The following ASAP1 variants were observed in gnomAD, a reference collection of about 807,000 sequenced individuals.
The protein encoded by ASAP1 is arf-GAP with SH3 domain, ANK repeat and PH domain-containing protein 1.
Under a neutral mutation model 145.2 loss-of-function variants are expected in ASAP1, and 43 were observed. That is an observed-to-expected ratio of 0.30 (90% confidence interval 0.23 to 0.38). The LOEUF (loss-of-function observed/expected upper bound fraction) is 0.38, where lower values mean the gene tolerates loss of function less well. Among genes scored for constraint, ASAP1 ranks in the 10% least tolerant of loss-of-function variants. ASAP1 has a pLI of 1.00. For missense variants in ASAP1, 1,018 were observed against 1,355.3 expected (o/e 0.75, Z 3.91); for synonymous variants, 546 against 515.5 (o/e 1.06, Z -0.80).
intron 3 of ASAP1, among the ~76,000 whole-genome samples, chr8:130,310,436 G>A (rs1364403826): frequency 6.6e-6 from 1 of 152,036 alleles, no homozygotes; most frequent in Admixed American, 6.5e-5. Context: ...GCAAATACTC[G>A]GAAAGATAGG....
chr8:130,226,294 T>C (rs1228658686), intron 4 of ASAP1, among the ~76,000 whole-genome samples: 1 of 152,172 alleles, frequency 6.6e-6, no homozygotes, highest in African/African-American at 2.4e-5. Flanking sequence ...CACCATATTA[T>C]TGGGGAATGA....
intron 2 of ASAP1, among the ~76,000 whole-genome samples, chr8:130,380,830 G>A (rs762813798): frequency 7.2e-5 from 11 of 152,080 alleles, no homozygotes; most frequent in Non-Finnish European, 1.5e-4. Flanking sequence ...GTGATCTTTC[G>A]CCTCAGATTC....
At chr8:130,154,728 T>C (rs769578173) in intron 12 of ASAP1, among the ~76,000 whole-genome samples, 3 of 152,250 alleles carry the variant, frequency 2.0e-5, no homozygotes, top group African/African-American at 4.8e-5. Flanking sequence ...CAGTTTGTTC[T>C]AAAGCATGCT....
At chr8:130,157,685 ACT>A (rs2097660697) in intron 12 of ASAP1, among the ~76,000 whole-genome samples, 2 of 151,760 alleles carry the variant, frequency 1.3e-5, no homozygotes, top group African/African-American at 4.8e-5. Flanking sequence ...GCTACATTGA[ACT>A]CTCAAGTATT....
At chr8:130,176,844 C>T (rs912900602) in intron 9 of ASAP1, among the ~76,000 whole-genome samples, 1 of 152,126 alleles carries the variant, frequency 6.6e-6, no homozygotes, top group African/African-American at 2.4e-5. Context: ...GTATGCGCAA[C>T]CACACCTGGC....
intron 3 of ASAP1, among the ~76,000 whole-genome samples, chr8:130,332,687 T>A (rs1340774081): frequency 6.6e-6 from 1 of 152,238 alleles, no homozygotes; most frequent in Non-Finnish European, 1.5e-5. Flanking sequence ...CTTCCTTAGT[T>A]AATCTCAGCC....
chr8:130,079,602 G>C (rs2097473948), intron 26 of ASAP1, among the ~76,000 whole-genome samples: 1 of 152,162 alleles, frequency 6.6e-6, no homozygotes, highest in South Asian at 2.1e-4. Context: ...CATTCTGACA[G>C]GAATTTTGTT....
intron 3 of ASAP1, 51 bp from the exon 4 acceptor site, chr8:130,237,045 A>C (rs1236307428): frequency 7.3e-7 from 1 of 1,377,770 alleles, no homozygotes; most frequent in East Asian, 2.4e-5. Flanking sequence ...GTAAATTAAA[A>C]AAATAATAAG....
At chr8:130,059,211 C>G (rs544431606) in intron 28 of ASAP1, among the ~76,000 whole-genome samples, 1 of 151,766 alleles carries the variant, frequency 6.6e-6, no homozygotes, top group South Asian at 2.1e-4. Flanking sequence ...GTTGCCCAGG[C>G]TAGAGTGCAG....
chr8:130,153,797 C>T (rs1294046859), intron 12 of ASAP1, among the ~76,000 whole-genome samples: 2 of 152,072 alleles, frequency 1.3e-5, no homozygotes, highest in Non-Finnish European at 2.9e-5. Flanking sequence ...GGGACCCAAA[C>T]CTGTTGGGGG....
chr8:130,255,959 C>T (rs956599040), intron 3 of ASAP1, among the ~76,000 whole-genome samples: 2 of 152,190 alleles, frequency 1.3e-5, no homozygotes, highest in African/African-American at 4.8e-5. Context: ...CCCACACACA[C>T]AGAACAGCTG....
chr8:130,324,978 C>T (rs1030265049), intron 3 of ASAP1, among the ~76,000 whole-genome samples: 1 of 152,192 alleles, frequency 6.6e-6, no homozygotes, highest in Non-Finnish European at 1.5e-5. Flanking sequence ...AAGGAACCCC[C>T]AAAACCCAGA....
chr8:130,357,925 C>A, intron 3 of ASAP1, 92 bp downstream of exon 3: 2 of 1,484,384 alleles, frequency 1.3e-6, no homozygotes, highest in East Asian at 2.6e-5. Flanking sequence ...CCCCGGCCCC[C>A]GCGTCCCCTT....
chr8:130,132,061 T>G (rs957335725), intron 15 of ASAP1, among the ~76,000 whole-genome samples: 4 of 152,044 alleles, frequency 2.6e-5, no homozygotes, highest in African/African-American at 9.7e-5. Flanking sequence ...GAAAGGGAAA[T>G]GAGGAAGAGA....
At chr8:130,155,798 T>C (rs1013360494) in intron 12 of ASAP1, among the ~76,000 whole-genome samples, 1 of 152,238 alleles carries the variant, frequency 6.6e-6, no homozygotes, top group South Asian at 2.1e-4. Context: ...CCAAAGACTC[T>C]TGGCATCTGG....
chr8:130,072,095 T>C (rs2097447891), intron 27 of ASAP1, among the ~76,000 whole-genome samples: 1 of 152,182 alleles, frequency 6.6e-6, no homozygotes, highest in Non-Finnish European at 1.5e-5. Context: ...TCCTACCCTA[T>C]ACCCTGGGGG....
At chr8:130,135,361 A>G (rs1445178157) in intron 14 of ASAP1, among the ~76,000 whole-genome samples, 1 of 152,044 alleles carries the variant, frequency 6.6e-6, no homozygotes, top group Non-Finnish European at 1.5e-5. Flanking sequence ...GGTGGCATGC[A>G]CCTGTGGTCC....
At chr8:130,064,410 G>A (rs987034280) in intron 27 of ASAP1, among the ~76,000 whole-genome samples, 3 of 152,172 alleles carry the variant, frequency 2.0e-5, no homozygotes, top group African/African-American at 7.2e-5. Flanking sequence ...TGAACACCTG[G>A]AAGAATGACA....
At chr8:130,078,848 A>G (rs1354137391) in intron 26 of ASAP1, among the ~76,000 whole-genome samples, 1 of 152,076 alleles carries the variant, frequency 6.6e-6, no homozygotes, top group Non-Finnish European at 1.5e-5. Context: ...AACTGAGGAT[A>G]ATAGTAATTG....
Sources: allele counts gnomAD v4.1 joint callset (sites outside exome capture counted in the v4.1 genomes callset), GRCh38; gene constraint gnomAD v4.1.1; transcripts MANE v1.5; gene names NCBI Gene and HGNC (gene_info 2026-07-23, HGNC 2026-07-21).